Variants in NEDD4L observed in about 807,000 individuals in gnomAD.
NEDD4L encodes the protein NEDD4 like E3 ubiquitin protein ligase.
Under a neutral mutation model 148.9 loss-of-function variants are expected in NEDD4L, and 54 were observed. The observed-to-expected ratio is 0.36, with a 90% CI of 0.29 to 0.45. The LOEUF is 0.45. Among genes scored for constraint, NEDD4L ranks in the 20% least tolerant of loss-of-function variants. The pLI is 1.00. For missense variants in NEDD4L, 856 were observed against 1,233.8 expected, an observed-to-expected ratio of 0.69 and a Z score of 4.59; for synonymous variants, 433 against 440.7, an observed-to-expected ratio of 0.98 and a Z score of 0.22.
intron 5 of NEDD4L, among the ~76,000 whole-genome samples, chr18:58,277,237 A>G (rs2052247637): frequency 1.1e-5 from 1 of 88,772 alleles, no homozygotes; most frequent in South Asian, 5.6e-4. Flanking sequence ...TGAGGGGCAC[A>G]ATGGAGAAGA....
At chr18:58,391,013 T>C (rs1159288407) in intron 29 of NEDD4L, among the ~76,000 whole-genome samples, 1 of 152,012 alleles carries the variant, frequency 6.6e-6, no homozygotes, top group Non-Finnish European at 1.5e-5. Flanking sequence ...AGTTTTTTAG[T>C]AAATCGTTAA....
In NEDD4L at chr18:58,351,046, G is replaced by A; in HGVS notation, c.1708+1G>A. On this transcript the variant is annotated splice_donor_variant, in intron 18 of 30. Transcript: ENST00000400345. LOFTEE classifies it high-confidence loss of function. ...GGCCGAACGTTTTATATTGATCATA[G>A]TAAGTAGGCGCTGTTATGGACACAC... 1 of 1,586,984 alleles carries A rather than the reference G, an allele frequency of 6.3e-7. No homozygotes were observed. Among genetic ancestry groups the A allele is most frequent in the Non-Finnish European group, 8.6e-7 (1 of 1,165,396 alleles).
intron 11 of NEDD4L, among the ~76,000 whole-genome samples, chr18:58,333,355 C>T (rs369877620): frequency 8.6e-5 from 13 of 151,812 alleles, no homozygotes; most frequent in East Asian, 3.9e-4. Context: ...GTCTGAGCTC[C>T]TCTGAATATA....
At chr18:58,067,856 G>A (rs575460770) in intron 1 of NEDD4L, among the ~76,000 whole-genome samples, 110 of 152,302 alleles carry the variant, frequency 7.2e-4, no homozygotes, top group South Asian at 3.1e-3. Context: ...TGGTGGCAGC[G>A]GGGAATGCAG....
At chr18:58,140,206 G>T (rs185509681) in intron 1 of NEDD4L, among the ~76,000 whole-genome samples, 1 of 152,270 alleles carries the variant, frequency 6.6e-6, no homozygotes, top group African/African-American at 2.4e-5. Context: ...CTGCTGGGCT[G>T]ATGACATGCT....
intron 1 of NEDD4L, among the ~76,000 whole-genome samples, chr18:58,127,265 G>A (rs7231665): frequency 0.21 from 32,616 of 152,158 alleles, 3,647 homozygotes; most frequent in Middle Eastern, 0.31. Flanking sequence ...AGACACATGC[G>A]GCTAGTGGCT....
chr18:58,201,390 A>G (rs1334821193), intron 2 of NEDD4L, among the ~76,000 whole-genome samples: 12 of 152,312 alleles, frequency 7.9e-5, no homozygotes, highest in South Asian at 2.1e-4. Context: ...CTTCAAACAT[A>G]TACTAAAATA....
chr18:58,324,480 G>A (rs2059131060), intron 8 of NEDD4L, among the ~76,000 whole-genome samples: 1 of 152,136 alleles, frequency 6.6e-6, no homozygotes, highest in Non-Finnish European at 1.5e-5. Flanking sequence ...CACCTCCCTG[G>A]GGAGCAACAG....
chr18:58,206,926 C>T (rs1052099356), intron 2 of NEDD4L, among the ~76,000 whole-genome samples: 4 of 152,176 alleles, frequency 2.6e-5, no homozygotes, highest in Non-Finnish European at 4.4e-5. Flanking sequence ...GAATAAGGGA[C>T]GATCCAAAGG....
intron 13 of NEDD4L, among the ~76,000 whole-genome samples, chr18:58,339,273 A>G (rs2042146486): frequency 6.6e-6 from 1 of 152,148 alleles, no homozygotes; most frequent in African/African-American, 2.4e-5. Context: ...TAGTAGGTCA[A>G]AACTTGATAG....
intron 2 of NEDD4L, among the ~76,000 whole-genome samples, chr18:58,181,652 G>T (rs1226432243): frequency 6.6e-6 from 1 of 152,038 alleles, no homozygotes; most frequent in Non-Finnish European, 1.5e-5. Context: ...GCCCAGGCTG[G>T]TCTTGAACTC....
intron 1 of NEDD4L, among the ~76,000 whole-genome samples, chr18:58,063,542 A>G (rs181767008): frequency 0.013 from 1,901 of 151,176 alleles, 25 homozygotes; most frequent in Non-Finnish European, 0.02. Flanking sequence ...TTTCTTGGGA[A>G]GAACAATTAG....
chr18:58,271,165 C>A (rs1331392951), intron 5 of NEDD4L, among the ~76,000 whole-genome samples: 1 of 151,972 alleles, frequency 6.6e-6, no homozygotes, highest in South Asian at 2.1e-4. Flanking sequence ...TATGTAGCAA[C>A]CCTATCCACT....
At chr18:58,167,095 C>CT (rs1412485143) in intron 2 of NEDD4L, among the ~76,000 whole-genome samples, 2 of 152,172 alleles carry the variant, frequency 1.3e-5, no homozygotes, top group Admixed American at 6.5e-5. Context: ...AACTGTTGTA[C>CT]TTAGAAGTGC....
intron 1 of NEDD4L, among the ~76,000 whole-genome samples, chr18:58,051,728 G>A (rs993921510): frequency 1.3e-5 from 2 of 152,146 alleles, no homozygotes; most frequent in African/African-American, 4.8e-5. Context: ...TTGAATAAGT[G>A]GGTCTGTCTT....
chr18:58,195,503 G>T, intron 2 of NEDD4L: 1 of 1,344,350 alleles, frequency 7.4e-7, no homozygotes, highest in African/African-American at 1.5e-5. Flanking sequence ...CGGGTGGGTG[G>T]CTGCGCAGGG....
chr18:58,170,127 C>CA (rs1224229784), intron 2 of NEDD4L, among the ~76,000 whole-genome samples: 3 of 152,192 alleles, frequency 2.0e-5, no homozygotes, highest in Non-Finnish European at 4.4e-5. Context: ...TTTCCCACCC[C>CA]TTCACTGGAA....
intron 1 of NEDD4L, among the ~76,000 whole-genome samples, chr18:58,136,533 A>AG (rs1421673386): frequency 1.3e-5 from 2 of 152,238 alleles, no homozygotes; most frequent in African/African-American, 2.4e-5. Flanking sequence ...GGAGGAACCC[A>AG]GGAGCTACTG....
At chr18:58,132,844 A>G (rs1354114091) in intron 1 of NEDD4L, among the ~76,000 whole-genome samples, 1 of 152,230 alleles carries the variant, frequency 6.6e-6, no homozygotes, top group East Asian at 1.9e-4. Flanking sequence ...CAAAGTTCAA[A>G]TGCAATGGAT....
Sources: allele counts gnomAD v4.1 joint callset (sites outside exome capture counted in the v4.1 genomes callset), GRCh38; gene constraint gnomAD v4.1.1; transcripts MANE v1.5; gene names NCBI Gene and HGNC (gene_info 2026-07-23, HGNC 2026-07-21).